Variants in DOCK2 observed in about 807,000 individuals in gnomAD.
The protein encoded by DOCK2 is dedicator of cytokinesis protein 2.
DOCK2 carries 87 observed loss-of-function variants against 248.9 expected under a neutral mutation model. That is an observed-to-expected ratio of 0.35 (90% CI 0.29 to 0.42). DOCK2 has a LOEUF of 0.42. Ranked by LOEUF, DOCK2 falls within the 10% of genes least tolerant of loss-of-function variation. DOCK2 has a pLI of 1.00. For missense variants in DOCK2, 1,747 were observed against 2,300.2 expected (o/e 0.76, Z 4.92); for synonymous variants, 805 against 821.6 (o/e 0.98, Z 0.35).
rs1029663051 is a variant in DOCK2, at chr5:170,082,912, A to C, written c.*54A>C. 2 of 1,611,504 alleles carry C rather than the reference A, an allele frequency of 1.2e-6. No homozygotes were observed. The highest frequency in any genetic ancestry group is 1.7e-6 in the Non-Finnish European group (2 of 1,177,968). ...AGCCAGGGAGGGGAGTTTCTGGAAG[A>C]GGAAAGCCATGCGTGGAACATCGAA... On this transcript the variant is annotated 3_prime_UTR_variant, in exon 52 of 52. Transcript: ENST00000520908.
intron 1 of DOCK2, among the ~76,000 whole-genome samples, chr5:169,638,111 C>T (rs1756942047): frequency 6.6e-6 from 1 of 152,208 alleles, no homozygotes. Context: ...CATGGACTCA[C>T]TGTGGTTTTT....
At chr5:169,738,664 A>G (rs1763162956) in intron 22 of DOCK2, among the ~76,000 whole-genome samples, 1 of 152,212 alleles carries the variant, frequency 6.6e-6, no homozygotes, top group African/African-American at 2.4e-5. Context: ...ATGGGCCAGT[A>G]TGTATGGAAC....
At position 169,971,643 on chromosome 5, in the gene DOCK2, A is replaced by G. The variant is rs1466305546; in HGVS notation, c.2800-11425A>G. Among the ~76,000 whole-genome samples the G allele has an allele frequency of 3.3e-5, 5 of 151,806 alleles. No homozygotes were observed. The East Asian group carries it at 9.6e-4, about 29-fold the overall frequency. The stretch of plus-strand genomic sequence containing the variant: ...TTTTGCTGTTAACAGATGAAATAGT[A>G]CTCCCTTTATAGAAATGAAGAGCAA... On this transcript the variant is annotated intron_variant, in intron 27 of 51. Transcript: ENST00000520908.
At chr5:169,895,925 C>A (rs375727085) in intron 27 of DOCK2, among the ~76,000 whole-genome samples, 62 of 152,330 alleles carry the variant, frequency 4.1e-4, no homozygotes, top group African/African-American at 1.3e-3. Flanking sequence ...TCCCTATTTT[C>A]TGGCCTGGAG....
At chr5:169,958,213 G>A (rs1776945123) in intron 27 of DOCK2, among the ~76,000 whole-genome samples, 1 of 103,192 alleles carries the variant, frequency 9.7e-6, no homozygotes, top group African/African-American at 4.6e-5. Flanking sequence ...CAGATAATCT[G>A]GAAACTTTGT....
At chr5:170,071,642 A>G (rs1246480836) in intron 46 of DOCK2, among the ~76,000 whole-genome samples, 1 of 152,230 alleles carries the variant, frequency 6.6e-6, no homozygotes, top group Non-Finnish European at 1.5e-5. Context: ...TGATTTATCA[A>G]AAACATACAT....
intron 25 of DOCK2, among the ~76,000 whole-genome samples, chr5:169,774,045 G>A (rs572653192): frequency 6.6e-6 from 1 of 152,050 alleles, no homozygotes; most frequent in Non-Finnish European, 1.5e-5. Flanking sequence ...GTCTTTATCA[G>A]CAGCGTGAAA....
intron 27 of DOCK2, among the ~76,000 whole-genome samples, chr5:169,910,133 CTGGCCCAGA>C (rs1774513256): frequency 6.6e-6 from 1 of 152,152 alleles, no homozygotes; most frequent in South Asian, 2.1e-4. Flanking sequence ...CCATATGTTC[CTGGCCCAGA>C]TGGCTCTCTC....
intron 27 of DOCK2, among the ~76,000 whole-genome samples, chr5:169,845,789 G>A (rs1770267879): frequency 6.6e-6 from 1 of 152,212 alleles, no homozygotes; most frequent in Non-Finnish European, 1.5e-5. Flanking sequence ...AGAGTGCTGA[G>A]AGGGGAGAGC....
At chr5:169,820,434 C>T (rs1297590751) in intron 26 of DOCK2, among the ~76,000 whole-genome samples, 5 of 152,216 alleles carry the variant, frequency 3.3e-5, no homozygotes, top group East Asian at 3.9e-4. Flanking sequence ...TCCAGAGGAA[C>T]GATCAGGCAG....
chr5:170,050,158 C>T, intron 40 of DOCK2, 98 bp from the exon 41 acceptor site: 1 of 1,490,064 alleles, frequency 6.7e-7, no homozygotes, highest in Non-Finnish European at 9.2e-7. Flanking sequence ...CTGGACATCC[C>T]CATGGACCGT....
intron 27 of DOCK2, among the ~76,000 whole-genome samples, chr5:169,863,762 C>A (rs1026293940): frequency 1.3e-5 from 2 of 152,244 alleles, no homozygotes; most frequent in African/African-American, 2.4e-5. Context: ...GCCCTGCCCA[C>A]TTCTCTTGTG....
chr5:169,752,225 C>G (rs927979187), intron 23 of DOCK2, among the ~76,000 whole-genome samples: 1 of 152,160 alleles, frequency 6.6e-6, no homozygotes, highest in African/African-American at 2.4e-5. Flanking sequence ...CCTTACGATC[C>G]ATGGTATTTC....
At chr5:169,762,040 A>G (rs1489612444) in intron 25 of DOCK2, among the ~76,000 whole-genome samples, 1 of 152,226 alleles carries the variant, frequency 6.6e-6, no homozygotes, top group African/African-American at 2.4e-5. Flanking sequence ...TAGCTCGAAG[A>G]GTCTAATTGA....
chr5:169,683,820 G>A (rs1759804950), intron 7 of DOCK2, among the ~76,000 whole-genome samples: 1 of 152,066 alleles, frequency 6.6e-6, no homozygotes, highest in African/African-American at 2.4e-5. Flanking sequence ...GTATGTTCTA[G>A]ATACAAATTC....
At chr5:169,914,251 CTA>C (rs773691366) in intron 27 of DOCK2, among the ~76,000 whole-genome samples, 18 of 152,216 alleles carry the variant, frequency 1.2e-4, no homozygotes, top group Non-Finnish European at 2.5e-4. Flanking sequence ...TCTCCTCATA[CTA>C]TGTTCTAAAA....
chr5:169,967,397 G>GT (rs1777342043), intron 27 of DOCK2, among the ~76,000 whole-genome samples: 1 of 152,242 alleles, frequency 6.6e-6, no homozygotes, highest in Non-Finnish European at 1.5e-5. Flanking sequence ...GCAACAGCAT[G>GT]TGGTCAGGCT....
chr5:169,908,035 TG>T (rs1774390192), intron 27 of DOCK2, among the ~76,000 whole-genome samples: 1 of 152,230 alleles, frequency 6.6e-6, no homozygotes. Flanking sequence ...ATCTAGAAGC[TG>T]TGATGGAACA....
intron 26 of DOCK2, among the ~76,000 whole-genome samples, chr5:169,810,928 C>T (rs1237852043): frequency 2.0e-5 from 3 of 151,550 alleles, no homozygotes; most frequent in South Asian, 4.2e-4. Context: ...TGAATATGCA[C>T]GTGTGGTTTT....
Sources: gnomAD v4.1 joint callset for allele counts (sites outside exome capture counted in the v4.1 genomes callset) on GRCh38, gnomAD v4.1.1 for gene constraint, MANE v1.5 for transcripts, NCBI Gene and HGNC (gene_info 2026-07-23, HGNC 2026-07-21) for gene names.